The following TPP2 variants were observed in gnomAD, a reference collection of about 807,000 sequenced individuals.
TPP2 encodes the protein tripeptidyl-peptidase 2.
A neutral mutation model predicts 155.9 loss-of-function variants in TPP2; 34 were observed. The ratio of observed to expected loss-of-function variants is 0.22; its 90% CI spans 0.17 to 0.29. TPP2 has a LOEUF of 0.29. TPP2 is among the 10% of genes least tolerant of loss of function. The pLI, the probability that TPP2 is intolerant of heterozygous loss-of-function variation, is 1.00. For missense variants in TPP2, 1,028 were observed against 1,522.3 expected (o/e 0.68, Z 5.40); for synonymous variants, 510 against 529.4 (o/e 0.96, Z 0.50).
chr13:102,656,005 AAAG>A (rs1275640427), intron 24 of TPP2, among the ~76,000 whole-genome samples: 1 of 152,118 alleles, frequency 6.6e-6, no homozygotes, highest in African/African-American at 2.4e-5. Flanking sequence ...TTCTACCTTT[AAAG>A]AAGATCTCAA....
chr13:102,600,696 A>G (rs1879365008), intron 1 of TPP2, among the ~76,000 whole-genome samples: 1 of 152,184 alleles, frequency 6.6e-6, no homozygotes, highest in African/African-American at 2.4e-5. Context: ...ATAATGAAGG[A>G]ATATAATTTC....
intron 11 of TPP2, among the ~76,000 whole-genome samples, chr13:102,635,125 A>G (rs1264750700): frequency 6.9e-6 from 1 of 143,944 alleles, no homozygotes; most frequent in Admixed American, 6.7e-5. Context: ...TTAATAAATA[A>G]CAATCTCTGG....
chr13:102,667,872 G>A, intron 27 of TPP2: 4 of 968,924 alleles, frequency 4.1e-6, no homozygotes, highest in Non-Finnish European at 4.9e-6. Flanking sequence ...TGAAAGGAGT[G>A]CTCAGACACA....
chr13:102,669,215 C>A (rs1330272641), intron 27 of TPP2, among the ~76,000 whole-genome samples: 2 of 152,134 alleles, frequency 1.3e-5, no homozygotes, highest in Non-Finnish European at 2.9e-5. Context: ...AAGGCTTCTG[C>A]CAGTAGTGTT....
At chr13:102,603,668 A>C (rs1035185800) in intron 1 of TPP2, among the ~76,000 whole-genome samples, 1 of 152,192 alleles carries the variant, frequency 6.6e-6, no homozygotes, top group Non-Finnish European at 1.5e-5. Flanking sequence ...TGAGTGCTCC[A>C]TGAATACATT....
At chr13:102,665,495 C>T (rs946615006) in intron 27 of TPP2, among the ~76,000 whole-genome samples, 3 of 152,044 alleles carry the variant, frequency 2.0e-5, no homozygotes, top group Non-Finnish European at 4.4e-5. Flanking sequence ...AGAGAAGCTT[C>T]CCTGGGTTTA....
chr13:102,604,883 G>C lies in TPP2; in HGVS notation c.256G>C (p.Asp86His), dbSNP rs779694067. ...TACTGCTACAGAAGTAGAGCCAAAG[G>C]ATGGTGAGATTGTTGGCCTTTCAGG... is the stretch of plus-strand genomic sequence containing the variant. Reference protein sequence around the residue: ...VNTATEVEPKDGEIVGLSGRV... With the variant: ...VNTATEVEPKHGEIVGLSGRV... The change falls in exon 2 of 30, where the codon GAT becomes CAT. Residue 86 changes from aspartate (D) to histidine (H), a missense_variant. By Grantham distance (81) the Asp-to-His change is moderately conservative. Coordinates refer to ENST00000376052, the MANE Select transcript of TPP2 (RefSeq NM_001330588.2). The C allele has an allele frequency of 1.2e-5, 20 of 1,613,986 alleles. No homozygotes were observed. The Admixed American group carries it at 2.5e-4, about 20-fold the overall frequency.
chr13:102,597,672 A>G (rs559513601), intron 1 of TPP2, among the ~76,000 whole-genome samples: 5 of 149,130 alleles, frequency 3.4e-5, no homozygotes, highest in African/African-American at 1.3e-4. Context: ...AGCTTTTATC[A>G]TTGGGGTGGG....
In TPP2 at chr13:102,636,286, T is replaced by G. The variant is rs1882373028; in HGVS notation, c.1572T>G (p.Thr524=). ...CATTTGCTAATAAATTAGGTTTTAC[T>G]GTTACTGTTGGAAATAACCGTGGCA... ...NTSFANKLGF[T]VTVGNNRGIY... is the part of the protein sequence containing the mutation. Residue 524 remains threonine (T), a synonymous_variant, in exon 13 of 30, where the codon ACT becomes ACG. Coordinates refer to ENST00000376052, the MANE Select transcript of TPP2 (RefSeq NM_001330588.2). 2 of 1,613,854 alleles carry G rather than the reference T, an allele frequency of 1.2e-6. No homozygotes were observed. The highest frequency in any genetic ancestry group is 3.3e-5 in the Admixed American group (2 of 59,978).
rs9557897 is a variant in TPP2 at position 102,646,839 on chromosome 13, G to A, written c.2491-368G>A. Among the ~76,000 whole-genome samples the A allele has an allele frequency of 1.9e-3, 285 of 152,304 alleles. 4 individuals carry two copies. In the East Asian group the frequency reaches 0.049, roughly 26 times the overall value. The stretch of plus-strand genomic sequence containing the variant: ...ATGCTGGACCAAAGAATTGTTGTAA[G>A]ATCAATGAGATTTCAATAAAACTGT... On this transcript the variant is annotated intron_variant, in intron 20 of 29. Transcript: ENST00000376052.
chr13:102,655,842 C>A (rs879297080), intron 24 of TPP2, among the ~76,000 whole-genome samples: 18 of 152,060 alleles, frequency 1.2e-4, no homozygotes, highest in Non-Finnish European at 2.2e-4. Context: ...TGATCATTTT[C>A]TCTTTCTTCT....
intron 18 of TPP2, 100 bp downstream of exon 18, chr13:102,644,773 C>T: frequency 2.8e-6 from 4 of 1,404,656 alleles, no homozygotes; most frequent in Non-Finnish European, 3.9e-6. Flanking sequence ...GGGGAAATTA[C>T]CTGTGGTTCT....
At position 102,633,982 on chromosome 13, in the gene TPP2, C is replaced by T. The variant is rs2230855; in HGVS notation, c.1277C>T (p.Ala426Val). The change falls in exon 11 of 30, where the codon GCG (alanine) becomes GTG (valine). Residue 426 changes from alanine (A) to valine (V), a missense_variant. Around this residue, in one of 7 missense-constraint regions of TPP2, gnomAD observed 63 missense variants for 165.7 expected, o/e 0.38. Transcript: ENST00000376052. ...ADGALGVSIS[A>V]PGGAIASVPN... ...GGGGCCCTTGGTGTGAGTATCAGTG[C>T]GCCAGGAGGAGCCATTGCTTCTGTT... 2 of 1,614,064 alleles carry T rather than the reference C, an allele frequency of 1.2e-6. No individual in the cohort carries two copies. Among genetic ancestry groups the T allele is most frequent in the African/African-American group, 1.3e-5 (1 of 75,034 alleles).
chr13:102,598,475 C>T (rs1879160826), intron 1 of TPP2, among the ~76,000 whole-genome samples: 1 of 152,104 alleles, frequency 6.6e-6, no homozygotes, highest in South Asian at 2.1e-4. Context: ...TACAGCACAT[C>T]TTTTGTGAAT....
intron 17 of TPP2, 63 bp from the exon 18 acceptor site, chr13:102,644,491 GTAT>G: frequency 7.4e-7 from 1 of 1,352,218 alleles, no homozygotes; most frequent in Non-Finnish European, 1.0e-6. Flanking sequence ...GAAACAGCTA[GTAT>G]TTATATTCTG....
At chr13:102,640,433 T>C (rs1424973531) in intron 16 of TPP2, 57 bp downstream of exon 16, 1 of 1,373,590 alleles carries the variant, frequency 7.3e-7, no homozygotes, top group South Asian at 1.2e-5. Context: ...CTAATGACTA[T>C]AGCTGTATGA....
At chr13:102,656,698 A>T (rs1465677878) in intron 24 of TPP2, among the ~76,000 whole-genome samples, 2 of 152,194 alleles carry the variant, frequency 1.3e-5, no homozygotes, top group African/African-American at 4.8e-5. Context: ...ATCTTTTCTT[A>T]GTTTGAACTT....
chr13:102,641,176 TA>T (rs945743270), intron 16 of TPP2, among the ~76,000 whole-genome samples: 5 of 152,224 alleles, frequency 3.3e-5, no homozygotes, highest in African/African-American at 1.2e-4. Context: ...CATTCTTTTT[TA>T]CAAGAGCTGT....
At chr13:102,664,267 T>C (rs1266718463) in intron 26 of TPP2, among the ~76,000 whole-genome samples, 1 of 152,192 alleles carries the variant, frequency 6.6e-6, no homozygotes, top group Non-Finnish European at 1.5e-5. Context: ...TAAAAGACTT[T>C]AACAAGAGAG....
Sources: gnomAD v4.1 joint callset for allele counts (sites outside exome capture counted in the v4.1 genomes callset) on GRCh38, gnomAD v4.1.1 for gene constraint, gnomAD v4.1.1 regional missense constraint, MANE v1.5 for transcripts, NCBI Gene and HGNC (gene_info 2026-07-23, HGNC 2026-07-21) for gene names.